TRPM3: variants seen among roughly 807,000 people sequenced by gnomAD.
The protein encoded by TRPM3 is long transient receptor potential channel 3.
Under a neutral mutation model 181.2 loss-of-function variants are expected in TRPM3, and 77 were observed. That is an observed-to-expected ratio of 0.42 (90% CI 0.35 to 0.51). TRPM3 has a LOEUF of 0.51. Ranked by LOEUF, TRPM3 falls within the 20% of genes least tolerant of loss-of-function variation. The pLI is 0.01. For synonymous variants in TRPM3, 745 were observed against 796.4 expected, an observed-to-expected ratio of 0.94 and a Z score of 1.09; for missense variants, 1,759 against 2,196.7, an observed-to-expected ratio of 0.80 and a Z score of 3.98.
chr9:70,977,054 A>G (rs112921046), intron 1 of TRPM3, among the ~76,000 whole-genome samples: 2,021 of 152,366 alleles, frequency 0.013, 29 homozygotes, highest in East Asian at 0.079. Context: ...TTTAAGAAAC[A>G]TATGTGATAC....
intron 1 of TRPM3, among the ~76,000 whole-genome samples, chr9:71,086,811 T>A (rs2065345836): frequency 6.6e-6 from 1 of 152,002 alleles, no homozygotes; most frequent in Non-Finnish European, 1.5e-5. Flanking sequence ...TAACTTAATA[T>A]TCTAGGCAGA....
chr9:71,175,337 G>A (rs1233544430), intron 1 of TRPM3, among the ~76,000 whole-genome samples: 1 of 152,310 alleles, frequency 6.6e-6, no homozygotes, highest in East Asian at 1.9e-4. Context: ...CCCTTCAAGA[G>A]GAACAGAAGG....
intron 1 of TRPM3, among the ~76,000 whole-genome samples, chr9:71,289,984 C>T (rs747383581): frequency 6.7e-6 from 1 of 149,524 alleles, no homozygotes; most frequent in Non-Finnish European, 1.5e-5. Flanking sequence ...ATCTCATTTA[C>T]CCTGATTTGA....
Position 70,831,983 on chromosome 9 carries a change from A to ATATATATATTTATATATATATATATATT in TRPM3, c.802-3966_802-3965insAATATATATATATATATAAATATATATA, listed in dbSNP as rs778575663. 9.9e-4 allele frequency among the ~76,000 whole-genome samples: 102 copies of ATATATATATTTATATATATATATATATT among 103,400 alleles called. 2 individuals are homozygous for ATATATATATTTATATATATATATATATT. The highest frequency in any genetic ancestry group is 3.0e-3 in the African/African-American group (71 of 23,594). The allele number at this position is 103,400 out of a possible 152,430, so 67.8% of individuals were successfully genotyped here. ...CATAAATATATATATATATATATAT[A>ATATATATATTTATATATATATATATATT]TATATATATATATACCTACTATGTA... On this transcript the variant is annotated intron_variant, in intron 5 of 25. Transcript: ENST00000677713.
chr9:70,913,861 C>T (rs2096563540), intron 1 of TRPM3, among the ~76,000 whole-genome samples: 1 of 152,166 alleles, frequency 6.6e-6, no homozygotes, highest in Non-Finnish European at 1.5e-5. Flanking sequence ...TTCTTCCTTT[C>T]CTCTGCATGA....
chr9:70,874,480 T>A (rs990108067), intron 1 of TRPM3, among the ~76,000 whole-genome samples: 1 of 151,962 alleles, frequency 6.6e-6, no homozygotes, highest in African/African-American at 2.4e-5. Context: ...AAAGCCCTCA[T>A]ATATTTGGTG....
chr9:71,339,073 A>G (rs2090774451), intron 1 of TRPM3, among the ~76,000 whole-genome samples: 1 of 152,170 alleles, frequency 6.6e-6, no homozygotes, highest in Admixed American at 6.6e-5. Context: ...CTTACAGAGT[A>G]AGACAAAATG....
intron 1 of TRPM3, among the ~76,000 whole-genome samples, chr9:71,034,801 T>C (rs1332235276): frequency 6.6e-6 from 1 of 151,992 alleles, no homozygotes; most frequent in African/African-American, 2.4e-5. Context: ...TGCTGTTGGG[T>C]TGTTGAATGC....
intron 3 of TRPM3, among the ~76,000 whole-genome samples, chr9:70,850,610 T>C (rs925767578): frequency 3.3e-5 from 5 of 152,146 alleles, no homozygotes; most frequent in Admixed American, 2.0e-4. Context: ...TGGTTTAAGA[T>C]AAAGATGAAA....
intron 6 of TRPM3, among the ~76,000 whole-genome samples, chr9:70,794,259 A>C (rs1441396970): frequency 6.6e-6 from 1 of 152,128 alleles, no homozygotes; most frequent in African/African-American, 2.4e-5. Context: ...TCACGTAAAG[A>C]GAAAAGGAGT....
chr9:71,088,126 A>G (rs1327110302), intron 1 of TRPM3, among the ~76,000 whole-genome samples: 1 of 152,138 alleles, frequency 6.6e-6, no homozygotes, highest in Non-Finnish European at 1.5e-5. Context: ...CTACAGTAAA[A>G]AACATGTCGG....
At chr9:70,896,086 G>C (rs1311033558) in intron 1 of TRPM3, among the ~76,000 whole-genome samples, 2 of 152,092 alleles carry the variant, frequency 1.3e-5, no homozygotes, top group Admixed American at 1.3e-4. Flanking sequence ...GAGATTAAGA[G>C]TACTTTTAGA....
At chr9:71,019,642 T>C (rs1481600577) in intron 1 of TRPM3, among the ~76,000 whole-genome samples, 2 of 152,202 alleles carry the variant, frequency 1.3e-5, no homozygotes, top group East Asian at 1.9e-4. Context: ...ATTGTAATGA[T>C]GCCAAATCTC....
chr9:71,420,815 G>GAGAGAGAGAGAA (rs1554896213), intron 1 of TRPM3, among the ~76,000 whole-genome samples: 2 of 2,032 alleles, frequency 9.8e-4, no homozygotes, highest in Non-Finnish European at 1.4e-3. Flanking sequence ...GAGAAAGAAA[G>GAGAGAGAGAGAA]AGAGAAAGAG....
intron 1 of TRPM3, among the ~76,000 whole-genome samples, chr9:71,420,757 A>AAGAGAAAGAGAGAGAAAGAGAG (rs2093729250): frequency 5.1e-5 from 1 of 19,750 alleles, no homozygotes; most frequent in African/African-American, 1.6e-4. Flanking sequence ...AAGAGAGAGA[A>AAGAGAAAGAGAGAGAAAGAGAG]AGAGAGAGAA....
chr9:70,884,405 G>C (rs1007104396), intron 1 of TRPM3, among the ~76,000 whole-genome samples: 1 of 152,192 alleles, frequency 6.6e-6, no homozygotes, highest in Non-Finnish European at 1.5e-5. Context: ...GCAGTGACCT[G>C]GTGAAAGCAT....
At chr9:71,140,069 G>C (rs932211964) in intron 1 of TRPM3, among the ~76,000 whole-genome samples, 1 of 152,142 alleles carries the variant, frequency 6.6e-6, no homozygotes, top group Non-Finnish European at 1.5e-5. Flanking sequence ...GAAACCATGA[G>C]GGAGAGGCCT....
At chr9:70,955,092 C>T (rs981307578) in intron 1 of TRPM3, among the ~76,000 whole-genome samples, 3 of 151,924 alleles carry the variant, frequency 2.0e-5, no homozygotes, top group South Asian at 2.1e-4. Flanking sequence ...TTTTTTTCCC[C>T]GACCTTTGTT....
In TRPM3 at chr9:71,388,969, A is replaced by G. The variant is rs1588795293; in HGVS notation, c.183+57684T>C. Among the ~76,000 whole-genome samples the G allele has an allele frequency of 4.6e-5, 7 of 152,268 alleles. 1 individual carries two copies. The highest frequency in any genetic ancestry group is 1.7e-4 in the African/African-American group (7 of 41,564). On this transcript the variant is annotated intron_variant, in intron 1 of 24. Transcript: ENST00000357533. ...TAGCAAAACAACAGCTTCTTTGAGC[A>G]CAAAAGGAGAAAATAACAAAATGTT...
Sources: allele counts gnomAD v4.1 joint callset (sites outside exome capture counted in the v4.1 genomes callset), GRCh38; gene constraint gnomAD v4.1.1; transcripts MANE v1.5; gene names NCBI Gene and HGNC (gene_info 2026-07-23, HGNC 2026-07-21).